The following PPP1R12A variants were observed in gnomAD, a reference collection of about 807,000 sequenced individuals.
The protein encoded by PPP1R12A is myosin binding subunit.
Under a neutral mutation model 139.6 loss-of-function variants are expected in PPP1R12A, and 19 were observed. That is an observed-to-expected ratio of 0.14 (90% CI 0.09 to 0.20). The LOEUF (loss-of-function observed/expected upper bound fraction) is 0.20, where lower values mean the gene tolerates loss of function less well. Ranked by LOEUF, PPP1R12A falls within the 10% of genes least tolerant of loss-of-function variation. The pLI is 1.00. For synonymous variants in PPP1R12A, 427 were observed against 420.6 expected, an observed-to-expected ratio of 1.02 and a Z score of -0.19; for missense variants, 925 against 1,211.5, an observed-to-expected ratio of 0.76 and a Z score of 3.51.
At chr12:79,778,803 CTTAAT>C (rs1234414794) in intron 23 of PPP1R12A, 1 of 369,368 alleles carries the variant, frequency 2.7e-6, no homozygotes, top group Non-Finnish European at 4.9e-6. Flanking sequence ...AGTACAAGCT[CTTAAT>C]TTAAAGCTTT....
At chr12:79,779,482 A>G in intron 23 of PPP1R12A, 1 of 699,398 alleles carries the variant, frequency 1.4e-6, no homozygotes, top group Non-Finnish European at 2.2e-6. Context: ...TAATGTTTTT[A>G]GGGTATGTGA....
intron 2 of PPP1R12A, among the ~76,000 whole-genome samples, chr12:79,865,278 C>T (rs1381945791): frequency 2.0e-5 from 3 of 152,122 alleles, no homozygotes; most frequent in Non-Finnish European, 4.4e-5. Context: ...GCCTTTCATG[C>T]TAAAAACTCT....
At chr12:79,932,525 G>T (rs1888329483) in intron 1 of PPP1R12A, among the ~76,000 whole-genome samples, 1 of 152,174 alleles carries the variant, frequency 6.6e-6, no homozygotes, top group Non-Finnish European at 1.5e-5. Context: ...GAGGCGGTTG[G>T]AGATTATCGG....
In PPP1R12A at chr12:79,934,909, T is replaced by C; in HGVS notation, c.23A>G (p.Gln8Arg). 2.5e-6 allele frequency: 4 copies of C among 1,602,732 alleles called. No homozygotes were observed. The highest frequency in any genetic ancestry group is 2.6e-6 in the Non-Finnish European group (3 of 1,174,656). ...GCGTTTCAGCTGCTCGTTCCGCTTC[T>C]GCTTCGCGTCCGCCATCTTCATCCC... MKMADAK[Q>R]KRNEQLKRWI... The change falls in exon 1 of 25, where the codon CAG (glutamine) becomes CGG (arginine). Residue 8 changes from glutamine to arginine, a missense_variant. Around this residue, in one of 4 missense-constraint regions of PPP1R12A, gnomAD observed 199 missense variants for 352.4 expected, o/e 0.56. Transcript: ENST00000450142.
intron 9 of PPP1R12A, among the ~76,000 whole-genome samples, chr12:79,815,426 C>T (rs1458536758): frequency 2.6e-5 from 4 of 151,196 alleles, no homozygotes; most frequent in Admixed American, 1.3e-4. Context: ...TAGGCTGAGA[C>T]AGGAGAATCG....
At chr12:79,897,132 T>A (rs544841531) in intron 1 of PPP1R12A, among the ~76,000 whole-genome samples, 16 of 152,256 alleles carry the variant, frequency 1.1e-4, no homozygotes, top group Admixed American at 9.1e-4. Context: ...GGAATCAACC[T>A]AGGTGCCCAT....
chr12:79,935,400 G>A, upstream of PPP1R12A: 17 of 992,960 alleles, frequency 1.7e-5, no homozygotes, highest in Non-Finnish European at 1.9e-5. Flanking sequence ...CGGGCTGGGG[G>A]CTCCCGGGAA....
chr12:79,841,943 T>C (rs1361327799), intron 3 of PPP1R12A, among the ~76,000 whole-genome samples: 1 of 152,334 alleles, frequency 6.6e-6, no homozygotes, highest in South Asian at 2.1e-4. Flanking sequence ...TAGTTATATT[T>C]AATCACTTTT....
rs190042341 is a variant in PPP1R12A at position 79,824,319 on chromosome 12, C to G, written c.793-2129G>C. On this transcript the variant is annotated intron_variant, in intron 5 of 24. Transcript: ENST00000450142. Reference sequence around the variant, plus strand: ...ATGTTATGTGGAAATAATTCAGTGACTTCTTTTTAAATATCATTTTAAGCA... The same window carrying G: ...ATGTTATGTGGAAATAATTCAGTGAGTTCTTTTTAAATATCATTTTAAGCA... Among the ~76,000 whole-genome samples, 15 of 152,200 alleles carry G rather than the reference C, an allele frequency of 9.9e-5. No homozygotes were observed. In the East Asian group the frequency reaches 2.5e-3, roughly 25 times the overall value.
chr12:79,903,095 C>T (rs973572399), intron 1 of PPP1R12A, among the ~76,000 whole-genome samples: 3 of 152,034 alleles, frequency 2.0e-5, no homozygotes, highest in East Asian at 1.9e-4. Context: ...ACTGAAATAG[C>T]GACACCTTTG....
intron 22 of PPP1R12A, 32 bp downstream of exon 22, chr12:79,786,342 C>T (rs1871130100): frequency 7.5e-7 from 1 of 1,330,930 alleles, no homozygotes; most frequent in Admixed American, 2.5e-5. Context: ...CAACCATTAC[C>T]TTGAGAGTAA....
intron 3 of PPP1R12A, among the ~76,000 whole-genome samples, chr12:79,833,704 G>C (rs1277018603): frequency 6.6e-6 from 1 of 151,464 alleles, no homozygotes; most frequent in African/African-American, 2.4e-5. Flanking sequence ...AGGCATAGTG[G>C]CAGGTGCCTG....
intron 4 of PPP1R12A, among the ~76,000 whole-genome samples, chr12:79,831,503 A>C (rs1471431070): frequency 6.6e-6 from 1 of 152,186 alleles, no homozygotes; most frequent in African/African-American, 2.4e-5. Context: ...GGACTGCCTG[A>C]GCCTCTGTCA....
At chr12:79,854,775 G>A (rs1231917470) in intron 2 of PPP1R12A, among the ~76,000 whole-genome samples, 2 of 151,954 alleles carry the variant, frequency 1.3e-5, no homozygotes, top group African/African-American at 2.4e-5. Context: ...GGGCTCAAAC[G>A]ATCCTCCCAC....
rs755772884 is a variant in PPP1R12A at position 79,796,952 on chromosome 12, T to C, written c.2293-2A>G. On this transcript the variant is annotated splice_acceptor_variant, in intron 16 of 24. Coordinates refer to ENST00000450142, the MANE Select transcript of PPP1R12A (RefSeq NM_002480.3). LOFTEE classifies it high-confidence loss of function. ...TACTGGCCTATAACGCTGGTAAGTC[T>C]GTGAAACATTAAGATCAAAACCCAT... 4.4e-6 allele frequency: 7 copies of C among 1,596,126 alleles called. No homozygotes were observed. The Admixed American group carries it at 5.4e-5, about 12-fold the overall frequency.
chr12:79,822,289 AC>A, intron 5 of PPP1R12A, 99 bp from the exon 6 acceptor site: 1 of 793,960 alleles, frequency 1.3e-6, no homozygotes, highest in Non-Finnish European at 2.0e-6. Flanking sequence ...ACGTTGGATA[AC>A]ATTTTTTACA....
chr12:79,805,022 A>C lies in PPP1R12A; in HGVS notation c.2000+570T>G, dbSNP rs114181586. On this transcript the variant is annotated intron_variant, in intron 14 of 24. Transcript: ENST00000450142. ...ATATTTAAGCACACAAAATAAATTC[A>C]GACTCTTTGAAAAAATCTGAATAAG... Among the ~76,000 whole-genome samples, 538 of 152,346 alleles carry C rather than the reference A, an allele frequency of 3.5e-3. 2 individuals are homozygous for C. Among genetic ancestry groups the C allele is most frequent in the African/African-American group, 0.012 (508 of 41,584 alleles).
intron 9 of PPP1R12A, among the ~76,000 whole-genome samples, chr12:79,813,186 GCA>G (rs1280002976): frequency 6.6e-6 from 1 of 152,076 alleles, no homozygotes; most frequent in Non-Finnish European, 1.5e-5. Flanking sequence ...TTGTATATAT[GCA>G]CCCTATAAAT....
intron 22 of PPP1R12A, chr12:79,782,658 C>A: frequency 4.9e-6 from 2 of 411,578 alleles, no homozygotes; most frequent in Non-Finnish European, 4.8e-6. Context: ...AAGAAAAAAA[C>A]AGTGGCATCT....
Sources: gnomAD v4.1 joint callset for allele counts (sites outside exome capture counted in the v4.1 genomes callset) on GRCh38, gnomAD v4.1.1 for gene constraint, gnomAD v4.1.1 regional missense constraint, MANE v1.5 for transcripts, NCBI Gene and HGNC (gene_info 2026-07-23, HGNC 2026-07-21) for gene names.